The following RASEF variants were observed in gnomAD, a reference collection of about 807,000 sequenced individuals.
RASEF encodes the protein ras and EF-hand domain-containing protein.
RASEF carries 68 observed loss-of-function variants against 90.1 expected under a neutral mutation model. The ratio of observed to expected loss-of-function variants is 0.75; its 90% CI spans 0.62 to 0.92. The LOEUF (loss-of-function observed/expected upper bound fraction) is 0.92. RASEF is among the 40% of genes least tolerant of loss of function. RASEF has a pLI of 0.00. For missense variants in RASEF, 949 were observed against 937.2 expected (o/e 1.01, Z -0.16); for synonymous variants, 331 against 345.2 (o/e 0.96, Z 0.46).
At chr9:83,188,640 T>G in the RASEF span, among the ~76,000 whole-genome samples, 5 of 152,142 alleles carry the variant, frequency 3.3e-5, no homozygotes, top group African/African-American at 9.7e-5. Context: ...AGAAATGAAA[T>G]GCACTGCATT....
At position 83,000,567 on chromosome 9, in the gene RASEF, G is replaced by A. The variant is rs1829013946; in HGVS notation, c.1441C>T (p.Pro481Ser). Reference protein sequence around the residue: ...FGGDASDTDVPDIRDEETFGL... With the variant: ...FGGDASDTDVSDIRDEETFGL... ...AATGTCTCTTCATCCCTTATGTCAG[G>A]AACCTATTTTTTTTAAAATGTCAGC... Residue 481 changes from proline to serine, a missense_variant, in exon 11 of 17, where the codon CCT (proline) becomes TCT (serine). Around this residue, in one of 3 missense-constraint regions of RASEF, gnomAD observed 288 missense variants for 328.4 expected, o/e 0.88. Transcript: ENST00000376447. 6.3e-7 allele frequency: 1 copy of A among 1,582,006 alleles called. No individual in the cohort carries two copies. The highest frequency in any genetic ancestry group is 1.4e-5 in the African/African-American group (1 of 72,794).
chr9:83,121,281 G>A, the RASEF span, among the ~76,000 whole-genome samples: 3 of 151,776 alleles, frequency 2.0e-5, no homozygotes, highest in African/African-American at 7.3e-5. Context: ...ATATATAGAT[G>A]GTGTGCATAT....
At chr9:83,079,218 T>A in the RASEF span, among the ~76,000 whole-genome samples, 1 of 152,194 alleles carries the variant, frequency 6.6e-6, no homozygotes. Flanking sequence ...CATCTTGAGT[T>A]GATTTTTGTA....
intron 1 of RASEF, among the ~76,000 whole-genome samples, chr9:83,046,000 C>T (rs2118661071): frequency 6.6e-6 from 1 of 151,740 alleles, no homozygotes; most frequent in Middle Eastern, 3.4e-3. Context: ...AACCCTACAC[C>T]TCCATTAAGC....
rs368791188 is a variant in RASEF at position 83,004,500 on chromosome 9, G to A, written c.1200C>T (p.Asp400=). 1.3e-6 allele frequency: 2 copies of A among 1,581,988 alleles called. No homozygotes were observed. Among genetic ancestry groups the A allele is most frequent in the Non-Finnish European group, 1.7e-6 (2 of 1,151,106 alleles). The part of the protein sequence containing the change: ...IGHSPQPLGY[D]RSSRSSYVDE... Reference sequence around the variant, plus strand: ...AAAGTTAAGACGAGTTAACATACCTGTCATAGCCTAGAGGTTGAGGGGAAT... The same window carrying A: ...AAAGTTAAGACGAGTTAACATACCTATCATAGCCTAGAGGTTGAGGGGAAT... Residue 400 remains aspartate (D), a splice_region_variant and synonymous_variant, in exon 9 of 17, where the codon GAC becomes GAT. Coordinates refer to ENST00000376447, the MANE Select transcript of RASEF (RefSeq NM_152573.4).
chr9:83,206,182 T>C, the RASEF span, among the ~76,000 whole-genome samples: 1 of 152,210 alleles, frequency 6.6e-6, no homozygotes, highest in Non-Finnish European at 1.5e-5. Context: ...TAACAAATCA[T>C]GTAACCTAGT....
intron 15 of RASEF, 89 bp from the exon 16 acceptor site, chr9:82,990,556 G>C (rs1828794696): frequency 5.6e-6 from 5 of 898,938 alleles, no homozygotes; most frequent in Non-Finnish European, 9.0e-6. Context: ...ATAAAAATAT[G>C]TTCCTACTGA....
chr9:83,144,359 GAA>G, the RASEF span, among the ~76,000 whole-genome samples: 1 of 53,304 alleles, frequency 1.9e-5, no homozygotes, highest in Non-Finnish European at 3.7e-5. Flanking sequence ...AAGAAAGAAA[GAA>G]AGAAAGAAAG....
chr9:82,982,815 G>GAC (rs1564066447), intron 16 of RASEF, 33 bp from the exon 17 acceptor site: 5 of 1,080,244 alleles, frequency 4.6e-6, no homozygotes, highest in Non-Finnish European at 7.0e-6. Context: ...CAGAGAGAGA[G>GAC]AGAGAGAGAG....
the RASEF span, among the ~76,000 whole-genome samples, chr9:83,082,494 A>G: frequency 6.6e-6 from 1 of 152,186 alleles, no homozygotes; most frequent in Non-Finnish European, 1.5e-5. Flanking sequence ...TTTTTTCTTC[A>G]TTATATTTCA....
upstream of RASEF, chr9:83,063,236 G>C (rs150539768): frequency 8.1e-4 from 191 of 236,762 alleles, no homozygotes; most frequent in African/African-American, 4.0e-3. Context: ...CGCTTCTCCA[G>C]TTCCCACGCC....
chr9:83,021,451 A>G (rs1189705735), intron 3 of RASEF, among the ~76,000 whole-genome samples: 2 of 152,248 alleles, frequency 1.3e-5, no homozygotes, highest in Non-Finnish European at 2.9e-5. Context: ...TTCAATAAAC[A>G]TTAATCACCC....
chr9:83,190,622 G>C, the RASEF span, among the ~76,000 whole-genome samples: 1 of 152,212 alleles, frequency 6.6e-6, no homozygotes, highest in South Asian at 2.1e-4. Context: ...TTGCATATTA[G>C]AATTTTTTAA....
rs971013434 is a variant in RASEF, at chr9:83,048,836, G to C, written c.431+13601C>G. 3.4e-6 allele frequency: 3 copies of C among 872,862 alleles called. No individual in the cohort carries two copies. In the African/African-American group the frequency reaches 5.4e-5, roughly 16 times the overall value. The allele number at this position is 872,862 out of a possible 1,614,324, so 54.1% of individuals were successfully genotyped here. ...TGATTAACATGTAGACCTTATTAAA[G>C]ACTCCTGTGAGGCTGTGTGCAGTGG... On this transcript the variant is annotated intron_variant, in intron 1 of 16. Coordinates refer to ENST00000376447, the MANE Select transcript of RASEF (RefSeq NM_152573.4).
At chr9:83,175,645 A>G in the RASEF span, among the ~76,000 whole-genome samples, 35,498 of 150,648 alleles carry the variant, frequency 0.24, 4,791 homozygotes, top group Middle Eastern at 0.32. Flanking sequence ...CAGTGGTGTG[A>G]TCTTGGCTCA....
the RASEF span, among the ~76,000 whole-genome samples, chr9:83,081,786 T>C: frequency 6.6e-6 from 1 of 152,182 alleles, no homozygotes; most frequent in Non-Finnish European, 1.5e-5. Context: ...TCCAAGTACC[T>C]GTCATGTATT....
chr9:83,111,729 G>A, the RASEF span, among the ~76,000 whole-genome samples: 822 of 151,782 alleles, frequency 5.4e-3, 6 homozygotes, highest in African/African-American at 0.019. Context: ...TTAAGAGTTA[G>A]TTGAGAAAAT....
the RASEF span, among the ~76,000 whole-genome samples, chr9:83,117,199 T>C: frequency 1.3e-5 from 2 of 152,176 alleles, no homozygotes; most frequent in Non-Finnish European, 2.9e-5. Context: ...CCCAGACTGA[T>C]AGCCTTGGGG....
chr9:83,035,871 T>TCCTG (rs1829732744), intron 1 of RASEF, among the ~76,000 whole-genome samples: 1 of 152,232 alleles, frequency 6.6e-6, no homozygotes, highest in Non-Finnish European at 1.5e-5. Flanking sequence ...TTGTCCTGTA[T>TCCTG]CCTGTCCACA....
Sources: gnomAD v4.1 joint callset for allele counts (sites outside exome capture counted in the v4.1 genomes callset) on GRCh38, gnomAD v4.1.1 for gene constraint, gnomAD v4.1.1 regional missense constraint, MANE v1.5 for transcripts, NCBI Gene and HGNC (gene_info 2026-07-23, HGNC 2026-07-21) for gene names.